IL1RAPL1: variants seen among roughly 807,000 people sequenced by gnomAD.
IL1RAPL1 encodes the protein interleukin 1 receptor accessory protein like 1.
IL1RAPL1 carries 3 observed loss-of-function variants against 48.4 expected under a neutral mutation model. That is an observed-to-expected ratio of 0.06 (90% CI 0.03 to 0.16). IL1RAPL1 has a LOEUF of 0.16. Ranked by LOEUF, IL1RAPL1 falls within the 10% of genes least tolerant of loss-of-function variation. The pLI is 1.00. For synonymous variants in IL1RAPL1, 185 were observed against 187.7 expected (o/e 0.99, Z 0.12); for missense variants, 349 against 530.6 (o/e 0.66, Z 3.36).
At chrX:29,004,513 G>A (rs1424725541) in intron 2 of IL1RAPL1, among the ~76,000 whole-genome samples, 1 of 112,174 alleles carries the variant, frequency 8.9e-6, no homozygotes, top group Non-Finnish European at 1.9e-5. Flanking sequence ...TCTTATGAAT[G>A]TGAACATTAG....
intron 2 of IL1RAPL1, among the ~76,000 whole-genome samples, chrX:29,146,071 T>C (rs1012963115): frequency 2.7e-5 from 3 of 111,632 alleles, no homozygotes; most frequent in Non-Finnish European, 3.8e-5. Flanking sequence ...TCCAAAGACC[T>C]CTACTTTCAC....
intron 1 of IL1RAPL1, among the ~76,000 whole-genome samples, chrX:28,734,336 T>C (rs1935792331): frequency 9.0e-6 from 1 of 111,297 alleles, no homozygotes; most frequent in African/African-American, 3.3e-5. Flanking sequence ...TGGATTTATA[T>C]AGTGGCCCCC....
At chrX:29,727,999 G>A (rs1201686106) in intron 6 of IL1RAPL1, among the ~76,000 whole-genome samples, 2 of 110,529 alleles carry the variant, frequency 1.8e-5, no homozygotes, top group South Asian at 4.0e-4. Context: ...GTGCAGTGGC[G>A]CGATCTCGGC....
At chrX:29,533,368 G>A (rs1325457942) in intron 5 of IL1RAPL1, among the ~76,000 whole-genome samples, 1 of 111,804 alleles carries the variant, frequency 8.9e-6, no homozygotes, top group East Asian at 2.8e-4. Context: ...TATACCATGT[G>A]GATTTTTTGT....
intron 1 of IL1RAPL1, among the ~76,000 whole-genome samples, chrX:28,676,561 C>T (rs1036326108): frequency 1.4e-4 from 15 of 110,514 alleles, no homozygotes; most frequent in African/African-American, 3.6e-4. Flanking sequence ...GGCGAAACCC[C>T]GTCTCTACTA....
intron 5 of IL1RAPL1, among the ~76,000 whole-genome samples, chrX:29,433,656 C>G (rs913760951): frequency 9.0e-6 from 1 of 111,126 alleles, no homozygotes; most frequent in Non-Finnish European, 1.9e-5. Context: ...AGGGTATTAT[C>G]AATTTGTTTA....
At chrX:28,886,509 G>T (rs1279668086) in intron 2 of IL1RAPL1, among the ~76,000 whole-genome samples, 1 of 89,101 alleles carries the variant, frequency 1.1e-5, no homozygotes, top group East Asian at 3.6e-4. Flanking sequence ...AATAATTGGA[G>T]CATTGTTGTT....
At chrX:29,861,773 TA>T (rs958960233) in intron 6 of IL1RAPL1, among the ~76,000 whole-genome samples, 16 of 109,029 alleles carry the variant, frequency 1.5e-4, no homozygotes, top group South Asian at 3.9e-4. Context: ...ACCCTAAATT[TA>T]AAAAAAAAAT....
At chrX:29,802,785 G>GTATA (rs1569172713) in intron 6 of IL1RAPL1, among the ~76,000 whole-genome samples, 1 of 20,895 alleles carries the variant, frequency 4.8e-5, no homozygotes, top group Non-Finnish European at 8.4e-5. Context: ...ATATATATGT[G>GTATA]TGTGTGTATA....
chrX:29,335,007 A>C (rs1434019066), intron 3 of IL1RAPL1, among the ~76,000 whole-genome samples: 2 of 111,504 alleles, frequency 1.8e-5, no homozygotes, highest in Non-Finnish European at 3.8e-5. Flanking sequence ...AGTGAACGAG[A>C]CTCCGTCTGC....
chrX:29,127,933 C>T (rs1928932606), intron 2 of IL1RAPL1, among the ~76,000 whole-genome samples: 1 of 106,116 alleles, frequency 9.4e-6, no homozygotes, highest in South Asian at 4.3e-4. Context: ...CACTGCACTC[C>T]AGTCTGGGAG....
At chrX:28,873,243 T>G (rs1210555114) in intron 2 of IL1RAPL1, among the ~76,000 whole-genome samples, 1 of 107,391 alleles carries the variant, frequency 9.3e-6, no homozygotes, top group Admixed American at 1.0e-4. Flanking sequence ...CCCAAGTAGC[T>G]GGAATTACAG....
At chrX:29,402,992 T>C (rs1934013435) in intron 5 of IL1RAPL1, among the ~76,000 whole-genome samples, 1 of 111,377 alleles carries the variant, frequency 9.0e-6, no homozygotes, top group Non-Finnish European at 1.9e-5. Flanking sequence ...TAGTGTTAGG[T>C]AGGTTTTTCC....
At chrX:28,871,954 T>A (rs1266128963) in intron 2 of IL1RAPL1, among the ~76,000 whole-genome samples, 1 of 112,135 alleles carries the variant, frequency 8.9e-6, no homozygotes, top group Non-Finnish European at 1.9e-5. Context: ...TAAAAGGTGA[T>A]TATAATCTCT....
At chrX:29,747,403 A>T (rs1928359329) in intron 6 of IL1RAPL1, among the ~76,000 whole-genome samples, 1 of 112,840 alleles carries the variant, frequency 8.9e-6, no homozygotes, top group African/African-American at 3.2e-5. Context: ...AAAATTGAAA[A>T]TACCATTATT....
intron 1 of IL1RAPL1, among the ~76,000 whole-genome samples, chrX:28,722,914 G>A (rs1318942172): frequency 9.1e-6 from 1 of 109,401 alleles, no homozygotes; most frequent in African/African-American, 3.3e-5. Context: ...TGCGTATGTT[G>A]AACCAGCCTT....
intron 5 of IL1RAPL1, among the ~76,000 whole-genome samples, chrX:29,597,704 A>G (rs1442536592): frequency 9.0e-6 from 1 of 111,480 alleles, no homozygotes; most frequent in Non-Finnish European, 1.9e-5. Context: ...TTACATTTCA[A>G]TCTCACTGCT....
chrX:29,945,691 T>C (rs749527844), intron 9 of IL1RAPL1, among the ~76,000 whole-genome samples: 1 of 112,145 alleles, frequency 8.9e-6, no homozygotes, highest in Admixed American at 9.4e-5. Context: ...ACAGCCATTT[T>C]ATCAGACTTG....
intron 2 of IL1RAPL1, among the ~76,000 whole-genome samples, chrX:28,956,716 AAGT>A (rs1389203899): frequency 3.1e-4 from 34 of 108,785 alleles, no homozygotes; most frequent in African/African-American, 1.1e-3. Flanking sequence ...TATTGGTCTA[AAGT>A]TCTCTTTTTT....
Sources: allele counts gnomAD v4.1 joint callset (sites outside exome capture counted in the v4.1 genomes callset), GRCh38; gene constraint gnomAD v4.1.1; transcripts MANE v1.5; gene names NCBI Gene and HGNC (gene_info 2026-07-23, HGNC 2026-07-21).